Variants in CCDC171 observed in about 807,000 individuals in gnomAD.
The protein encoded by CCDC171 is coiled-coil domain containing 171, also known as coiled-coil domain-containing protein 171.
Under a neutral mutation model 168.2 loss-of-function variants are expected in CCDC171, and 177 were observed. The ratio of observed to expected loss-of-function variants is 1.05; its 90% confidence interval spans 0.93 to 1.19. The LOEUF (loss-of-function observed/expected upper bound fraction) is 1.19. CCDC171 is among the 50% of genes most tolerant of loss of function. CCDC171 has a pLI of 0.00. For synonymous variants in CCDC171, 687 were observed against 540.8 expected (o/e 1.27, Z -3.75); for missense variants, 1,991 against 1,539.0 (o/e 1.29, Z -4.91).
At chr9:15,644,772 A>C (rs2046905573) in intron 7 of CCDC171, among the ~76,000 whole-genome samples, 1 of 152,226 alleles carries the variant, frequency 6.6e-6, no homozygotes, top group South Asian at 2.1e-4. Flanking sequence ...AGCCCACCGC[A>C]GCCCAAGGAG....
At chr9:15,754,383 G>C (rs925246205) in intron 18 of CCDC171, among the ~76,000 whole-genome samples, 13 of 152,022 alleles carry the variant, frequency 8.6e-5, no homozygotes, top group Admixed American at 4.6e-4. Context: ...CTTCCTCCTG[G>C]ATGTTCCAAG....
At chr9:15,573,004 C>G (rs1482144312) in intron 3 of CCDC171, among the ~76,000 whole-genome samples, 1 of 152,020 alleles carries the variant, frequency 6.6e-6, no homozygotes, top group Non-Finnish European at 1.5e-5. Flanking sequence ...ACTAAAAATA[C>G]AAAAATCAGC....
intron 7 of CCDC171, among the ~76,000 whole-genome samples, chr9:15,638,483 G>A (rs1456917592): frequency 6.6e-6 from 1 of 151,914 alleles, no homozygotes; most frequent in Non-Finnish European, 1.5e-5. Context: ...TAATAATAAA[G>A]AAGAAGTTGT....
At chr9:15,828,187 C>A (rs538853474) in intron 21 of CCDC171, among the ~76,000 whole-genome samples, 1 of 151,620 alleles carries the variant, frequency 6.6e-6, no homozygotes, top group African/African-American at 2.4e-5. Context: ...ATCATAAATT[C>A]TAGTGAGGAA....
At chr9:16,072,902 G>C in the CCDC171 span, among the ~76,000 whole-genome samples, 1 of 152,170 alleles carries the variant, frequency 6.6e-6, no homozygotes. Flanking sequence ...TTAAATGCAA[G>C]AACTAATCAC....
At chr9:15,639,334 A>T (rs547551181) in intron 7 of CCDC171, among the ~76,000 whole-genome samples, 3 of 152,190 alleles carry the variant, frequency 2.0e-5, no homozygotes, top group African/African-American at 7.2e-5. Context: ...AATAAATTTT[A>T]AGATTGGAAC....
At chr9:15,884,926 T>C (rs2131387092) in intron 24 of CCDC171, among the ~76,000 whole-genome samples, 1 of 152,338 alleles carries the variant, frequency 6.6e-6, no homozygotes, top group African/African-American at 2.4e-5. Flanking sequence ...AGGTTTTTGA[T>C]TGATGACCTG....
In CCDC171 at chr9:15,728,067, T is replaced by G. The variant is rs373065815; in HGVS notation, c.1860+31T>G. 3 of 1,550,358 alleles carry G rather than the reference T, an allele frequency of 1.9e-6. No individual in the cohort carries two copies. In the East Asian group the frequency reaches 6.8e-5, roughly 35 times the overall value. On this transcript the variant is annotated intron_variant, in intron 15 of 25. Transcript: ENST00000380701. ...TGTCCTCAGGCACCAGATACCTCTATTAAATTCAGTGACATTTGTCCACAT... is the reference window on the plus strand; with the variant it reads ...TGTCCTCAGGCACCAGATACCTCTAGTAAATTCAGTGACATTTGTCCACAT...
chr9:15,927,713 G>T (rs1826046161), intron 25 of CCDC171, among the ~76,000 whole-genome samples: 1 of 151,406 alleles, frequency 6.6e-6, no homozygotes, highest in Non-Finnish European at 1.5e-5. Context: ...AGATATTTTG[G>T]TTCAGTTAAG....
chr9:15,677,057 C>T (rs934167039), intron 9 of CCDC171, among the ~76,000 whole-genome samples: 2 of 151,960 alleles, frequency 1.3e-5, no homozygotes, highest in African/African-American at 4.8e-5. Flanking sequence ...GATTGTTTTT[C>T]TTTCATTTTG....
At chr9:15,928,441 T>G (rs995275975) in intron 25 of CCDC171, among the ~76,000 whole-genome samples, 6 of 151,852 alleles carry the variant, frequency 4.0e-5, no homozygotes, top group African/African-American at 1.4e-4. Flanking sequence ...GAGATGACAC[T>G]GGAGGAGAAG....
chr9:16,013,852 C>G (rs555555054), intron 3 of CCDC171, among the ~76,000 whole-genome samples: 3 of 152,162 alleles, frequency 2.0e-5, no homozygotes, highest in Non-Finnish European at 2.9e-5. Flanking sequence ...AAAATATTTT[C>G]TTGTAAAACA....
intron 21 of CCDC171, among the ~76,000 whole-genome samples, chr9:15,834,771 G>C (rs750867757): frequency 6.6e-6 from 1 of 152,210 alleles, no homozygotes; most frequent in Non-Finnish European, 1.5e-5. Flanking sequence ...AATGTGGTTA[G>C]GGACGTATAT....
chr9:15,726,131 T>C (rs954968668), intron 14 of CCDC171, among the ~76,000 whole-genome samples: 1 of 152,146 alleles, frequency 6.6e-6, no homozygotes, highest in African/African-American at 2.4e-5. Flanking sequence ...TTCCACTCTT[T>C]TTACAGTCTG....
At chr9:15,872,779 A>C (rs959763986) in intron 23 of CCDC171, among the ~76,000 whole-genome samples, 1 of 152,022 alleles carries the variant, frequency 6.6e-6, no homozygotes, top group African/African-American at 2.4e-5. Context: ...TAGTGGTTTG[A>C]TGTTGATAAA....
chr9:15,810,309 C>G (rs2135943922), intron 21 of CCDC171, among the ~76,000 whole-genome samples: 1 of 152,362 alleles, frequency 6.6e-6, no homozygotes, highest in East Asian at 1.9e-4. Flanking sequence ...AAGTCCCCAC[C>G]CGACTCAGGA....
intron 6 of CCDC171, among the ~76,000 whole-genome samples, chr9:16,027,293 C>G (rs1237177345): frequency 6.6e-6 from 1 of 151,974 alleles, no homozygotes; most frequent in Non-Finnish European, 1.5e-5. Context: ...ATCCTCCCTC[C>G]AACCCCCTTT....
intron 7 of CCDC171, among the ~76,000 whole-genome samples, chr9:15,633,779 G>A (rs762268203): frequency 1.3e-5 from 2 of 152,154 alleles, no homozygotes; most frequent in South Asian, 4.1e-4. Context: ...CAACCCAAAT[G>A]TCCAACAATG....
Position 15,591,426 on chromosome 9 carries a change from A to G in CCDC171, c.413A>G (p.Gln138Arg). ...NETEKAFQTS[Q>R]QKWKEECRRF... ...ACTGAGAAAGCATTTCAGACTTCTCAGCAAAAATGGAAAGAAGAATGCAGA... is the reference window on the plus strand; with the variant it reads ...ACTGAGAAAGCATTTCAGACTTCTCGGCAAAAATGGAAAGAAGAATGCAGA... The change falls in exon 5 of 26, where the codon CAG becomes CGG. Residue 138 changes from glutamine to arginine, a missense_variant. Physicochemically the swap from Gln to Arg is conservative, Grantham distance 43 (BLOSUM62 1). Transcript: ENST00000380701. 6.2e-7 allele frequency: 1 copy of G among 1,609,492 alleles called. No homozygotes were observed. The highest frequency in any genetic ancestry group is 8.5e-7 in the Non-Finnish European group (1 of 1,178,478).
Sources: allele counts gnomAD v4.1 joint callset (sites outside exome capture counted in the v4.1 genomes callset), GRCh38; gene constraint gnomAD v4.1.1; transcripts MANE v1.5; gene names NCBI Gene and HGNC (gene_info 2026-07-23, HGNC 2026-07-21).